The following OR52E2 variants were observed in gnomAD, a reference collection of about 807,000 sequenced individuals.
The protein encoded by OR52E2 is olfactory receptor 52E2.
For missense variants in OR52E2, 443 were observed against 403.9 expected (o/e 1.10, Z -0.83); for synonymous variants, 130 against 143.9 (o/e 0.90, Z 0.69).
In OR52E2 at chr11:5,059,434, A is replaced by T; in HGVS notation, c.194T>A (p.Leu65Gln). Residue 65 changes from leucine to glutamine, a missense_variant, in exon 1 of 1, where the codon CTG becomes CAG. Coordinates refer to ENST00000321522, the MANE Select transcript of OR52E2 (RefSeq NM_001005164.2). ...SSLHQPMFYF[L>Q]AMLATTDVGL... ...CACATCAGTGGTGGCCAACATGGCC[A>T]GGAAGTAGAACATGGGCTGGTGTAG... The T allele has an allele frequency of 6.2e-7, 1 of 1,613,892 alleles. No individual in the cohort carries two copies. Among genetic ancestry groups the T allele is most frequent in the Non-Finnish European group, 8.5e-7 (1 of 1,179,910 alleles).
chr11:5,059,469 A>T lies in OR52E2; in HGVS notation c.159T>A (p.Thr53=). ...GNFTILLVIK[T]DSSLHQPMFY... is the part of the protein sequence containing the mutation. Reference sequence around the variant, plus strand: ...ACATGGGCTGGTGTAGGCTGCTGTCAGTCTTGATCACAAGTAGAATAGTGA... The same window carrying T: ...ACATGGGCTGGTGTAGGCTGCTGTCTGTCTTGATCACAAGTAGAATAGTGA... Residue 53 remains threonine, a synonymous_variant, in exon 1 of 1, where the codon ACT becomes ACA. Coordinates refer to ENST00000321522, the MANE Select transcript of OR52E2 (RefSeq NM_001005164.2). 2 of 1,613,948 alleles carry T rather than the reference A, an allele frequency of 1.2e-6. No individual in the cohort carries two copies. Among genetic ancestry groups the T allele is most frequent in the Non-Finnish European group, 1.7e-6 (2 of 1,179,950 alleles).
Position 5,059,096 on chromosome 11 carries a change from G to A in OR52E2, c.532C>T (p.His178Tyr), listed in dbSNP as rs1847684459. The A allele has an allele frequency of 2.5e-6, 4 of 1,612,926 alleles. No homozygotes were observed. The highest frequency in any genetic ancestry group is 2.2e-5 in the East Asian group (1 of 44,824). The stretch of plus-strand genomic sequence containing the variant: ...AGACCCATGTGCTCACAGTAGGTGT[G>A]GGGAATTACATGATTCCCACAGAAG... ...LPFCGNHVIPHTYCEHMGLAH... is the reference protein window; with the variant it reads ...LPFCGNHVIPYTYCEHMGLAH... The change falls in exon 1 of 1, where the codon CAC becomes TAC. Residue 178 changes from histidine (H) to tyrosine (Y), a missense_variant. His to Tyr is a moderately conservative substitution (Grantham distance 83). Coordinates refer to ENST00000321522, the MANE Select transcript of OR52E2 (RefSeq NM_001005164.2).
Position 5,058,785 on chromosome 11 carries a change from A to G in OR52E2, c.843T>C (p.Tyr281=). The G allele has an allele frequency of 6.3e-7, 1 of 1,599,162 alleles. No individual in the cohort carries two copies. ...GATTGAGCATTGGTGGCACCACAAC[A>G]TAGAGATTGGCTAGGAGTATATGGA... ...RYIHILLANL[Y]VVVPPMLNPV... is the part of the protein sequence containing the mutation. Residue 281 remains tyrosine (Y), a synonymous_variant, in exon 1 of 1, where the codon TAT becomes TAC. Coordinates refer to ENST00000321522, the MANE Select transcript of OR52E2 (RefSeq NM_001005164.2).
At position 5,059,038 on chromosome 11, in the gene OR52E2, T is replaced by A. The variant is rs746131550; in HGVS notation, c.590A>T (p.Asn197Ile). 1.9e-6 allele frequency: 3 copies of A among 1,613,690 alleles called. 1 individual carries two copies. In the South Asian group the frequency reaches 3.3e-5, roughly 18 times the overall value. ...AATGGCACATAAACCATAAATAATA[T>A]TGATTTTGATGCTGGCACAAGATAG... Reference protein sequence around the residue: ...AHLSCASIKINIIYGLCAICN... With the variant: ...AHLSCASIKIIIIYGLCAICN... The change falls in exon 1 of 1, where the codon AAT (asparagine) becomes ATT (isoleucine). Residue 197 changes from asparagine to isoleucine, a missense_variant. Transcript: ENST00000321522.
chr11:5,059,602 A>G lies in OR52E2; in HGVS notation c.26T>C (p.Phe9Ser), dbSNP rs377427576. 13 of 1,605,920 alleles carry G rather than the reference A, an allele frequency of 8.1e-6. No individual in the cohort carries two copies. The highest frequency in any genetic ancestry group is 9.4e-6 in the Non-Finnish European group (11 of 1,175,408). Reference protein sequence around the residue: MFLPNDTQFHPSSFLLLGI... With the variant: MFLPNDTQSHPSSFLLLGI... ...CAGCAACAGGAAGGAGGAGGGGTGA[A>G]ACTGGGTGTCATTGGGAAGGAACAT... is the stretch of plus-strand genomic sequence containing the variant. The change falls in exon 1 of 1, where the codon TTT becomes TCT. Residue 9 changes from phenylalanine (F) to serine (S), a missense_variant. Transcript: ENST00000321522.
rs547180704 is a variant in OR52E2 at position 5,058,675 on chromosome 11, T to G, written c.953A>C (p.Glu318Ala). ...TCAGAACCTCGTATGTATTAGGTAC[T>G]CTTCCTTTTCCATTCCTTGTTCCTG... is the stretch of plus-strand genomic sequence containing the variant. Reference protein sequence around the residue: ...LLQEQGMEKEEYLIHTRF With the variant: ...LLQEQGMEKEAYLIHTRF Residue 318 changes from glutamate (E) to alanine (A), a missense_variant, in exon 1 of 1, where the codon GAG becomes GCG. Coordinates refer to ENST00000321522, the MANE Select transcript of OR52E2 (RefSeq NM_001005164.2). 1.3e-5 allele frequency: 20 copies of G among 1,494,744 alleles called. No individual in the cohort carries two copies. The Admixed American group carries it at 2.0e-4, about 15-fold the overall frequency. 92.6% of individuals were successfully genotyped at this position (1,494,744 alleles called of 1,614,324 possible).
rs150524739 is a variant in OR52E2 at position 5,059,348 on chromosome 11, T to G, written c.280A>C (p.Ile94Leu). Residue 94 changes from isoleucine to leucine, a missense_variant, in exon 1 of 1, where the codon ATC becomes CTC. Transcript: ENST00000321522. ...TGGGTGAGGCAGGCTTCAAAGATGA[T>G]CCCTCTGAGGTTGATCCAGAAGATT... ...LGIFWINLRG[I>L]IFEACLTQMF... is the part of the protein sequence containing the mutation. 1 of 1,613,628 alleles carries G rather than the reference T, an allele frequency of 6.2e-7. No homozygotes were observed. The highest frequency in any genetic ancestry group is 8.5e-7 in the Non-Finnish European group (1 of 1,179,828).
At position 5,058,715 on chromosome 11, in the gene OR52E2, T is replaced by C; in HGVS notation, c.913A>G (p.Lys305Glu). 1 of 1,534,774 alleles carries C rather than the reference T, an allele frequency of 6.5e-7. No individual in the cohort carries two copies. The highest frequency in any genetic ancestry group is 8.7e-7 in the Non-Finnish European group (1 of 1,144,152). Residue 305 changes from lysine to glutamate, a missense_variant, in exon 1 of 1, where the codon AAG (lysine) becomes GAG (glutamate). Lys to Glu is a moderately conservative substitution (Grantham distance 56). Coordinates refer to ENST00000321522, the MANE Select transcript of OR52E2 (RefSeq NM_001005164.2). ...VRTKQIYKCV[K>E]KILLQEQGME... ...CCTTGTTCCTGCAATAATATTTTCT[T>C]CACACATTTATAGATCTGCTTGGTT...
Position 5,058,988 on chromosome 11 carries a change from C to T in OR52E2, c.640G>A (p.Val214Ile). Reference protein sequence around the residue: ...AICNLVFDITVIALSYVHILC... With the variant: ...AICNLVFDITIIALSYVHILC... ...ATATGCACATAAGAAAGGGCAATGA[C>T]TGTGATGTCAAACACTAGATTACAA... Residue 214 changes from valine (V) to isoleucine (I), a missense_variant, in exon 1 of 1, where the codon GTC becomes ATC. Val to Ile is a conservative substitution (Grantham distance 29). Transcript: ENST00000321522. The T allele has an allele frequency of 1.9e-6, 3 of 1,613,380 alleles. No homozygotes were observed. Among genetic ancestry groups the T allele is most frequent in the South Asian group, 1.1e-5 (1 of 90,978 alleles).
chr11:5,059,212 G>A lies in OR52E2; in HGVS notation c.416C>T (p.Thr139Ile), dbSNP rs1038869417. The change falls in exon 1 of 1, where the codon ACC becomes ATC. Residue 139 changes from threonine (T) to isoleucine (I), a missense_variant. By Grantham distance (89) the Thr-to-Ile change is moderately conservative. Transcript: ENST00000321522. ...ACCAATCACAGAAACAACCTTGTTG[G>A]TGAGGATGGCGCTATATTGGAGTGG... is the stretch of plus-strand genomic sequence containing the variant. ...CNPLQYSAILTNKVVSVIGLG... is the reference protein window; with the variant it reads ...CNPLQYSAILINKVVSVIGLG... 7 of 1,613,638 alleles carry A rather than the reference G, an allele frequency of 4.3e-6. No individual in the cohort carries two copies. In the Middle Eastern group the frequency reaches 6.6e-4, roughly 152 times the overall value.
At position 5,059,558 on chromosome 11, in the gene OR52E2, T is replaced by C. The variant is rs780142736; in HGVS notation, c.70A>G (p.Thr24Ala). ...GGAAAGCCGATCCAGATGTGAAGTG[T>C]TTCTAGTCCTGGGATCCCCAGCAAC... ...FLLLGIPGLE[T>A]LHIWIGFPFC... is the part of the protein sequence containing the mutation. The change falls in exon 1 of 1, where the codon ACA becomes GCA. Residue 24 changes from threonine (T) to alanine (A), a missense_variant. By Grantham distance (58) the Thr-to-Ala change is moderately conservative. Coordinates refer to ENST00000321522, the MANE Select transcript of OR52E2 (RefSeq NM_001005164.2). The C allele has an allele frequency of 3.3e-5, 54 of 1,613,300 alleles. No individual in the cohort carries two copies. Among genetic ancestry groups the C allele is most frequent in the Non-Finnish European group, 4.2e-5 (50 of 1,179,638 alleles).
Position 5,059,273 on chromosome 11 carries a change from C to G in OR52E2, c.355G>C (p.Ala119Pro), listed in dbSNP as rs1847687698. The change falls in exon 1 of 1, where the codon GCA (alanine) becomes CCA (proline). Residue 119 changes from alanine to proline, a missense_variant. By Grantham distance (27) the Ala-to-Pro change is conservative. Coordinates refer to ENST00000321522, the MANE Select transcript of OR52E2 (RefSeq NM_001005164.2). Reference protein sequence around the residue: ...FTLMESAVLVAMAYDSYVAIC... With the variant: ...FTLMESAVLVPMAYDSYVAIC... ...GCCACATAGCTGTCATAAGCCATTG[C>G]CACAAGGACTGCTGACTCCATAAGT... 1 of 1,613,554 alleles carries G rather than the reference C, an allele frequency of 6.2e-7. No homozygotes were observed. Among genetic ancestry groups the G allele is most frequent in the Non-Finnish European group, 8.5e-7 (1 of 1,179,894 alleles).
chr11:5,059,013 A>C lies in OR52E2; in HGVS notation c.615T>G (p.Ile205Met), dbSNP rs753984576. The C allele has an allele frequency of 2.1e-5, 34 of 1,613,866 alleles. No homozygotes were observed. Among genetic ancestry groups the C allele is most frequent in the Non-Finnish European group, 2.9e-5 (34 of 1,179,892 alleles). Residue 205 changes from isoleucine (I) to methionine (M), a missense_variant, in exon 1 of 1, where the codon ATT becomes ATG. Ile to Met is a conservative substitution (Grantham distance 10). Transcript: ENST00000321522. ...KINIIYGLCAICNLVFDITVI... is the reference protein window; with the variant it reads ...KINIIYGLCAMCNLVFDITVI... ...CTGTGATGTCAAACACTAGATTACA[A>C]ATGGCACATAAACCATAAATAATAT... is the stretch of plus-strand genomic sequence containing the variant.
rs749484631 is a variant in OR52E2, at chr11:5,058,905, T to C, written c.723A>G (p.Thr241=). 43 of 1,590,220 alleles carry C rather than the reference T, an allele frequency of 2.7e-5. No individual in the cohort carries two copies. The highest frequency in any genetic ancestry group is 3.5e-5 in the Non-Finnish European group (41 of 1,168,904). The change falls in exon 1 of 1, where the codon ACA becomes ACG. Residue 241 remains threonine (T), a synonymous_variant. Coordinates refer to ENST00000321522, the MANE Select transcript of OR52E2 (RefSeq NM_001005164.2). ...THEARLKSLS[T]CGSHVCVILA... is the part of the protein sequence containing the mutation. ...GGATTACACACACATGTGAACCACA[T>C]GTGCTGAGGGACTTGAGTCGGGCTT...
rs754272704 is a variant in OR52E2, at chr11:5,059,403, G to C, written c.225C>G (p.Leu75=). ...LAMLATTDVG[L]STATIPKMLG... ...GCATCTTAGGGATGGTAGCTGTTGA[G>C]AGACCCACATCAGTGGTGGCCAACA... is the stretch of plus-strand genomic sequence containing the variant. Residue 75 remains leucine, a synonymous_variant, in exon 1 of 1, where the codon CTC becomes CTG. Transcript: ENST00000321522. The C allele has an allele frequency of 1.2e-6, 2 of 1,613,764 alleles. No individual in the cohort carries two copies. The highest frequency in any genetic ancestry group is 1.7e-6 in the Non-Finnish European group (2 of 1,179,832).
chr11:5,059,452 T>C lies in OR52E2; in HGVS notation c.176A>G (p.Gln59Arg). 3 of 1,613,898 alleles carry C rather than the reference T, an allele frequency of 1.9e-6. No homozygotes were observed. The highest frequency in any genetic ancestry group is 2.2e-5 in the East Asian group (1 of 44,852). The change falls in exon 1 of 1, where the codon CAG (glutamine) becomes CGG (arginine). Residue 59 changes from glutamine to arginine, a missense_variant. Physicochemically the swap from Gln to Arg is conservative, Grantham distance 43. Coordinates refer to ENST00000321522, the MANE Select transcript of OR52E2 (RefSeq NM_001005164.2). ...CATGGCCAGGAAGTAGAACATGGGCTGGTGTAGGCTGCTGTCAGTCTTGAT... is the reference window on the plus strand; with the variant it reads ...CATGGCCAGGAAGTAGAACATGGGCCGGTGTAGGCTGCTGTCAGTCTTGAT... Reference protein sequence around the residue: ...LVIKTDSSLHQPMFYFLAMLA... With the variant: ...LVIKTDSSLHRPMFYFLAMLA...
rs747868316 is a variant in OR52E2 at position 5,059,428 on chromosome 11, A to G, written c.200T>C (p.Met67Thr). The G allele has an allele frequency of 1.2e-6, 2 of 1,613,736 alleles. No homozygotes were observed. The highest frequency in any genetic ancestry group is 1.7e-6 in the Non-Finnish European group (2 of 1,179,806). Residue 67 changes from methionine to threonine, a missense_variant, in exon 1 of 1, where the codon ATG becomes ACG. Met to Thr is a moderately conservative substitution (Grantham distance 81). Transcript: ENST00000321522. The part of the protein sequence containing the change: ...LHQPMFYFLA[M>T]LATTDVGLST... ...GAGACCCACATCAGTGGTGGCCAAC[A>G]TGGCCAGGAAGTAGAACATGGGCTG...
At position 5,058,666 on chromosome 11, in the gene OR52E2, A is replaced by G. The variant is rs778813061; in HGVS notation, c.962T>C (p.Ile321Thr). ...AAATTGCATTCAGAACCTCGTATGTATTAGGTACTCTTCCTTTTCCATTCC... is the reference window on the plus strand; with the variant it reads ...AAATTGCATTCAGAACCTCGTATGTGTTAGGTACTCTTCCTTTTCCATTCC... Reference protein sequence around the residue: ...EQGMEKEEYLIHTRF With the variant: ...EQGMEKEEYLTHTRF Residue 321 changes from isoleucine (I) to threonine (T), a missense_variant, in exon 1 of 1, where the codon ATA (isoleucine) becomes ACA (threonine). Physicochemically the swap from Ile to Thr is moderately conservative, Grantham distance 89. Transcript: ENST00000321522. 13 of 1,478,302 alleles carry G rather than the reference A, an allele frequency of 8.8e-6. No individual in the cohort carries two copies. Among genetic ancestry groups the G allele is most frequent in the African/African-American group, 1.4e-5 (1 of 71,444 alleles). The allele number at this position is 1,478,302 out of a possible 1,614,324, so 91.6% of individuals were successfully genotyped here. A position where few individuals can be genotyped will look rare whatever the true frequency, so the allele number is the denominator to read the frequency against.
rs759381372 is a variant in OR52E2 at position 5,058,990 on chromosome 11, G to C, written c.638C>G (p.Thr213Arg). The C allele has an allele frequency of 8.7e-6, 14 of 1,613,344 alleles. No individual in the cohort carries two copies. The highest frequency in any genetic ancestry group is 1.3e-5 in the African/African-American group (1 of 74,850). Reference sequence around the variant, plus strand: ...ATGCACATAAGAAAGGGCAATGACTGTGATGTCAAACACTAGATTACAAAT... The same window carrying C: ...ATGCACATAAGAAAGGGCAATGACTCTGATGTCAAACACTAGATTACAAAT... Reference protein sequence around the residue: ...CAICNLVFDITVIALSYVHIL... With the variant: ...CAICNLVFDIRVIALSYVHIL... Residue 213 changes from threonine (T) to arginine (R), a missense_variant, in exon 1 of 1, where the codon ACA becomes AGA. Transcript: ENST00000321522.
Sources: gnomAD v4.1 joint callset for allele counts on GRCh38, gnomAD v4.1.1 for gene constraint, MANE v1.5 for transcripts, NCBI Gene and HGNC (gene_info 2026-07-23, HGNC 2026-07-21) for gene names.